Variants in CSMD1 observed in about 807,000 individuals in gnomAD.
CSMD1 encodes CUB and sushi domain-containing protein 1.
CSMD1 carries 213 observed loss-of-function variants against 417.5 expected under a neutral mutation model. The observed-to-expected ratio is 0.51, with a 90% CI of 0.46 to 0.57. The LOEUF (loss-of-function observed/expected upper bound fraction) is 0.57. Among genes scored for constraint, CSMD1 ranks in the 20% least tolerant of loss-of-function variants. The pLI, the probability that CSMD1 is intolerant of heterozygous loss-of-function variation, is 0.00. For missense variants in CSMD1, 6,923 were observed against 4,529.7 expected (o/e 1.53, Z -15.17); for synonymous variants, 2,862 against 1,736.8 (o/e 1.65, Z -16.11).
At chr8:4,593,228 G>C (rs757691880) in intron 2 of CSMD1, among the ~76,000 whole-genome samples, 1 of 152,214 alleles carries the variant, frequency 6.6e-6, no homozygotes, top group Admixed American at 6.5e-5. Flanking sequence ...CTGCTGAAAA[G>C]CAAGGTTAAT....
At chr8:3,973,861 A>G (rs7835694) in intron 5 of CSMD1, among the ~76,000 whole-genome samples, 49,963 of 152,018 alleles carry the variant, frequency 0.33, 9,004 homozygotes, top group African/African-American at 0.47. Context: ...TTAAGTGTTT[A>G]TGGGTAACTA....
At chr8:4,787,445 G>T in intron 1 of CSMD1, 1 of 767,182 alleles carries the variant, frequency 1.3e-6, no homozygotes, top group Non-Finnish European at 2.3e-6. Context: ...AGGAAATGTA[G>T]CTAGAAAGAA....
chr8:3,180,433 GA>G (rs1309450582), intron 37 of CSMD1, among the ~76,000 whole-genome samples: 1 of 152,178 alleles, frequency 6.6e-6, no homozygotes, highest in Non-Finnish European at 1.5e-5. Context: ...AATCTAGGCA[GA>G]AGTCAGGATT....
chr8:3,804,654 T>C (rs561276092), intron 5 of CSMD1, among the ~76,000 whole-genome samples: 54 of 152,204 alleles, frequency 3.5e-4, no homozygotes, highest in African/African-American at 1.2e-3. Flanking sequence ...TAATTCAAAA[T>C]AGAAGTGAAA....
chr8:2,959,957 T>C (rs117931804), intron 62 of CSMD1, among the ~76,000 whole-genome samples: 2,605 of 152,300 alleles, frequency 0.017, 22 homozygotes, highest in African/African-American at 0.029. Flanking sequence ...ACTAATTTGT[T>C]ATAAGGAGGG....
At chr8:3,818,762 C>T (rs551514666) in intron 5 of CSMD1, among the ~76,000 whole-genome samples, 2 of 152,162 alleles carry the variant, frequency 1.3e-5, no homozygotes, top group African/African-American at 4.8e-5. Flanking sequence ...GGTGTTAAAA[C>T]ACACCTGGCA....
At chr8:3,276,783 A>G (rs141605870) in intron 26 of CSMD1, among the ~76,000 whole-genome samples, 2 of 152,320 alleles carry the variant, frequency 1.3e-5, no homozygotes, top group East Asian at 3.9e-4. Flanking sequence ...AGTCATACTA[A>G]TATTTTCAAC....
chr8:3,095,626 A>G (rs1234290979), intron 47 of CSMD1, among the ~76,000 whole-genome samples: 1 of 152,202 alleles, frequency 6.6e-6, no homozygotes, highest in Non-Finnish European at 1.5e-5. Context: ...GTGAATACAA[A>G]CACACATCAA....
chr8:3,065,316 T>C (rs1291700228), intron 49 of CSMD1, among the ~76,000 whole-genome samples: 2 of 149,258 alleles, frequency 1.3e-5, no homozygotes, highest in South Asian at 2.2e-4. Context: ...GATAGATAGA[T>C]AGACAGACAG....
chr8:3,182,897 T>TGTGTGTGTGTGTGTGTGTGTGTGC (rs1563119823), intron 36 of CSMD1: 1 of 138,886 alleles, frequency 7.2e-6, no homozygotes. Context: ...TGTGTGTGTG[T>TGTGTGTGTGTGTGTGTGTGTGTGC]ATTGTTAGTA....
At chr8:2,951,069 T>G in intron 66 of CSMD1, 45 bp downstream of exon 66, 1 of 1,578,856 alleles carries the variant, frequency 6.3e-7, no homozygotes, top group Non-Finnish European at 8.6e-7. Flanking sequence ...ATAACAGGTC[T>G]ATTTCTGCTC....
intron 5 of CSMD1, among the ~76,000 whole-genome samples, chr8:3,808,390 C>T (rs377548028): frequency 6.6e-6 from 1 of 152,082 alleles, no homozygotes; most frequent in East Asian, 1.9e-4. Context: ...ATAATGACAA[C>T]CGTGGTAAAA....
At chr8:4,251,076 T>A (rs750450151) in intron 3 of CSMD1, among the ~76,000 whole-genome samples, 1 of 152,198 alleles carries the variant, frequency 6.6e-6, no homozygotes, top group Non-Finnish European at 1.5e-5. Flanking sequence ...TTGTGAAATG[T>A]TGTAGTCACA....
intron 1 of CSMD1, among the ~76,000 whole-genome samples, chr8:4,739,640 C>T (rs544978612): frequency 1.3e-5 from 2 of 152,154 alleles, no homozygotes; most frequent in African/African-American, 4.8e-5. Flanking sequence ...GGCATTAACA[C>T]AGGAAGCCAC....
chr8:4,834,071 A>G (rs11782229), intron 1 of CSMD1, among the ~76,000 whole-genome samples: 7,714 of 152,286 alleles, frequency 0.051, 284 homozygotes, highest in African/African-American at 0.086. Flanking sequence ...TAATTTTACT[A>G]TTGGACTCCT....
intron 1 of CSMD1, among the ~76,000 whole-genome samples, chr8:4,876,764 G>A (rs1803067036): frequency 6.6e-6 from 1 of 152,018 alleles, no homozygotes; most frequent in Non-Finnish European, 1.5e-5. Flanking sequence ...TACATCTGGA[G>A]TCATTTCTCA....
chr8:3,795,179 C>CCTATCATGTACAGA lies in CSMD1; in HGVS notation c.819-41138_819-41137insTCTGTACATGATAG, dbSNP rs1563087210. Among the ~76,000 whole-genome samples the CCTATCATGTACAGA allele has an allele frequency of 4.2e-4, 16 of 38,218 alleles. 2 individuals are homozygous for CCTATCATGTACAGA. The highest frequency in any genetic ancestry group is 1.9e-3 in the South Asian group (2 of 1,062). The allele number at this position is 38,218 out of a possible 152,430, so 25.1% of individuals were successfully genotyped here. Reference sequence around the variant, plus strand: ...AGCTATAGATACCTATCATGTACAGCTATAGATACCTATCATGTACAGATA... The same window carrying CCTATCATGTACAGA: ...AGCTATAGATACCTATCATGTACAGCCTATCATGTACAGATATAGATACCTATCATGTACAGATA... On this transcript the variant is annotated intron_variant, in intron 5 of 69. Coordinates refer to ENST00000635120, the MANE Select transcript of CSMD1 (RefSeq NM_033225.6).
chr8:4,762,199 T>C (rs1372914258), intron 1 of CSMD1, among the ~76,000 whole-genome samples: 1 of 152,102 alleles, frequency 6.6e-6, no homozygotes, highest in Non-Finnish European at 1.5e-5. Context: ...TTTATAATTG[T>C]TGTGCTAAAA....
chr8:3,571,212 T>C (rs1799929285), intron 10 of CSMD1, among the ~76,000 whole-genome samples: 1 of 152,198 alleles, frequency 6.6e-6, no homozygotes, highest in Non-Finnish European at 1.5e-5. Flanking sequence ...TTCTGCTTTC[T>C]GCATGCTGTC....
Sources: allele counts gnomAD v4.1 joint callset (sites outside exome capture counted in the v4.1 genomes callset), GRCh38; gene constraint gnomAD v4.1.1; transcripts MANE v1.5; gene names NCBI Gene and HGNC (gene_info 2026-07-23, HGNC 2026-07-21).